The following LINGO3 variants were observed in gnomAD, a reference collection of about 807,000 sequenced individuals.
LINGO3 encodes the protein leucine rich repeat and Ig domain containing 3.
For missense variants in LINGO3, 750 were observed against 867.7 expected, an observed-to-expected ratio of 0.86 and a Z score of 1.70; for synonymous variants, 427 against 444.2, an observed-to-expected ratio of 0.96 and a Z score of 0.49.
the LINGO3 span, among the ~76,000 whole-genome samples, chr19:2,307,152 G>A: frequency 6.6e-6 from 1 of 152,066 alleles, no homozygotes; most frequent in Non-Finnish European, 1.5e-5. Flanking sequence ...CACAGCAGAC[G>A]CCCGCTCCCC....
the LINGO3 span, among the ~76,000 whole-genome samples, chr19:2,300,800 G>A: frequency 6.6e-6 from 1 of 152,124 alleles, no homozygotes; most frequent in African/African-American, 2.4e-5. Context: ...TTCTGGCATT[G>A]GTGTCCCCAG....
At chr19:2,289,088 CTG>C (rs1469419287), downstream of LINGO3, among the ~76,000 whole-genome samples, 3 of 148,642 alleles carry the variant, frequency 2.0e-5, no homozygotes, top group Non-Finnish European at 4.5e-5. Flanking sequence ...CGGGTGTGAG[CTG>C]TGTGTTCCAC....
At chr19:2,303,941 A>C in the LINGO3 span, among the ~76,000 whole-genome samples, 1 of 152,218 alleles carries the variant, frequency 6.6e-6, no homozygotes, top group African/African-American at 2.4e-5. Flanking sequence ...GAAGTCTCTG[A>C]GCCTCAGTTT....
the LINGO3 span, among the ~76,000 whole-genome samples, chr19:2,301,230 G>T: frequency 6.6e-5 from 10 of 152,032 alleles, no homozygotes; most frequent in Non-Finnish European, 1.5e-5. Context: ...TGATCCTGGT[G>T]TCTGGTGTGA....
At chr19:2,291,354 C>G (rs898065270) in exon 1 of LINGO3, 1 of 1,613,372 alleles carries the variant, frequency 6.2e-7, no homozygotes, top group Non-Finnish European at 8.5e-7. Flanking sequence ...TGTAGTCCAG[C>G]AGGATTACCA....
chr19:2,304,379 G>A, the LINGO3 span, among the ~76,000 whole-genome samples: 1 of 152,152 alleles, frequency 6.6e-6, no homozygotes, highest in South Asian at 2.1e-4. Context: ...CAGAATGAAG[G>A]CCTCCCCACA....
exon 1 of LINGO3, chr19:2,291,973 G>A (rs1166858430): frequency 1.7e-6 from 1 of 605,796 alleles, no homozygotes; most frequent in Non-Finnish European, 3.1e-6. Context: ...AATTGCTTGA[G>A]TTCAAGAGTT....
At chr19:2,303,359 G>A in the LINGO3 span, among the ~76,000 whole-genome samples, 2 of 8,850 alleles carry the variant, frequency 2.3e-4, no homozygotes, top group African/African-American at 4.6e-4. Context: ...GGAGCTGTGG[G>A]GGGGGGGGTC....
chr19:2,294,553 G>T (rs11084929), upstream of LINGO3, among the ~76,000 whole-genome samples: 18,731 of 151,990 alleles, frequency 0.12, 1,474 homozygotes, highest in South Asian at 0.18. The surrounding 1 kb of genome is among the most constrained non-coding windows in gnomAD (Gnocchi z 4.3). Flanking sequence ...GAACAGCCAC[G>T]GCAGAGGCCC....
rs752039603 is a variant in LINGO3 at position 2,291,543 on chromosome 19, G to T, written c.234C>A (p.Pro78=). Residue 78 remains proline, a synonymous_variant, in exon 1 of 1, where the codon CCC becomes CCA. Coordinates refer to ENST00000585527, the Ensembl canonical transcript of LINGO3. ...CGCTCAGGTCCAGCTCCTCCAGCGC[G>T]GGCAGCGCGGCCAGGTCGCCCGGGT... 12 of 1,600,058 alleles carry T rather than the reference G, an allele frequency of 7.5e-6. No homozygotes were observed. The African/African-American group carries it at 1.1e-4, about 14-fold the overall frequency.
chr19:2,302,587 G>C, the LINGO3 span, among the ~76,000 whole-genome samples: 1 of 152,152 alleles, frequency 6.6e-6, no homozygotes, highest in East Asian at 1.9e-4. Context: ...GTCCCACCAG[G>C]CCCGGACTGC....
At chr19:2,293,623 G>C (rs1195259676), upstream of LINGO3, among the ~76,000 whole-genome samples, 3 of 151,012 alleles carry the variant, frequency 2.0e-5, no homozygotes, top group Non-Finnish European at 4.4e-5. Flanking sequence ...GCCTCCCAAA[G>C]TGCTGGGATT....
rs1274148502 is a variant in LINGO3 at position 2,290,078 on chromosome 19, A to G, written c.1699T>C (p.Tyr567His). The change falls in exon 1 of 1, where the codon TAC (tyrosine) becomes CAC (histidine). Residue 567 changes from tyrosine to histidine, a missense_variant. By Grantham distance (83) the Tyr-to-His change is moderately conservative. Transcript: ENST00000585527. This position sits in a 1 kb window ranked among gnomAD's most constrained non-coding sequence, Gnocchi z 6.0. ...GGCCCATCCACCTTGCGGAAGGAGT[A>G]CTCCACCGAGAAGTTGTTTTTGTGC... 1 of 1,573,254 alleles carries G rather than the reference A, an allele frequency of 6.4e-7. No individual in the cohort carries two copies. Among genetic ancestry groups the G allele is most frequent in the Non-Finnish European group, 8.6e-7 (1 of 1,161,338 alleles).
the LINGO3 span, among the ~76,000 whole-genome samples, chr19:2,297,214 C>G: frequency 6.6e-6 from 1 of 151,952 alleles, no homozygotes; most frequent in Non-Finnish European, 1.5e-5. Context: ...CTAGACTCAT[C>G]CAGATACTGC....
upstream of LINGO3, among the ~76,000 whole-genome samples, chr19:2,294,791 T>G (rs908641712): frequency 4.6e-5 from 7 of 151,764 alleles, no homozygotes; most frequent in Admixed American, 2.0e-4. The surrounding 1 kb of genome is among the most constrained non-coding windows in gnomAD (Gnocchi z 4.3). Context: ...CAGCCAAGAT[T>G]CTGGGGGCTG....
upstream of LINGO3, among the ~76,000 whole-genome samples, chr19:2,292,738 C>A (rs1175997318): frequency 3.3e-5 from 5 of 152,210 alleles, no homozygotes; most frequent in African/African-American, 1.2e-4. Flanking sequence ...GATCCACCTG[C>A]CTCCGCCTCC....
In LINGO3 at chr19:2,291,843, G is replaced by A. The variant is rs757865660; in HGVS notation, c.-67C>T. 4.0e-5 allele frequency: 55 copies of A among 1,362,894 alleles called. 1 individual carries two copies. In the East Asian group the frequency reaches 7.6e-4, roughly 19 times the overall value. 84.4% of individuals were successfully genotyped at this position (1,362,894 alleles called of 1,614,324 possible). A position where few individuals can be genotyped will look rare whatever the true frequency, so the allele number is the denominator to read the frequency against. ...CGCACCTGCGGGCGGGCGGGGAGCG[G>A]GCAGCGTTAGCACCGTTAGCACCCC... On this transcript the variant is annotated 5_prime_UTR_variant, in exon 1 of 1. Coordinates refer to ENST00000585527, the Ensembl canonical transcript of LINGO3.
At chr19:2,295,565 T>C (rs1251168608), upstream of LINGO3, among the ~76,000 whole-genome samples, 1 of 151,822 alleles carries the variant, frequency 6.6e-6, no homozygotes, top group Non-Finnish European at 1.5e-5. Flanking sequence ...AGAAACCCTG[T>C]CTCTACTAAA....
At chr19:2,296,173 G>C (rs959812979), upstream of LINGO3, among the ~76,000 whole-genome samples, 10 of 152,202 alleles carry the variant, frequency 6.6e-5, no homozygotes, top group African/African-American at 2.2e-4. Context: ...GCTGTGTCAC[G>C]GGAGGGGACA....
Sources: gnomAD v4.1 joint callset for allele counts (sites outside exome capture counted in the v4.1 genomes callset) on GRCh38, gnomAD v4.1.1 for gene constraint, Gnocchi (gnomAD v3.1) non-coding constraint, MANE v1.5 for transcripts, NCBI Gene and HGNC (gene_info 2026-07-23, HGNC 2026-07-21) for gene names.